CNBD1: variants seen among roughly 807,000 people sequenced by gnomAD.
CNBD1 encodes the protein cyclic nucleotide binding domain containing 1.
Under a neutral mutation model 54.4 loss-of-function variants are expected in CNBD1, and 71 were observed. The observed-to-expected ratio is 1.30, with a 90% CI of 1.08 to 1.59. The LOEUF (loss-of-function observed/expected upper bound fraction) is 1.59. CNBD1 is among the 40% of genes most tolerant of loss of function. The probability of loss-of-function intolerance (pLI) is 0.00; values close to 1 mark genes in which losing one functional copy is unlikely to be tolerated. For missense variants in CNBD1, 659 were observed against 518.0 expected (o/e 1.27, Z -2.64); for synonymous variants, 182 against 170.7 (o/e 1.07, Z -0.51).
intron 10 of CNBD1, among the ~76,000 whole-genome samples, chr8:87,371,459 G>A (rs1187948849): frequency 6.6e-6 from 1 of 151,854 alleles, no homozygotes; most frequent in Non-Finnish European, 1.5e-5. Context: ...TTGTAATTTG[G>A]ATTCCTAAGT....
chr8:86,973,770 G>A (rs1180742115), intron 4 of CNBD1, among the ~76,000 whole-genome samples: 1 of 152,146 alleles, frequency 6.6e-6, no homozygotes, highest in Non-Finnish European at 1.5e-5. Context: ...TGAGCTGTCT[G>A]AGAGCACTAT....
intron 4 of CNBD1, among the ~76,000 whole-genome samples, chr8:87,041,665 G>C (rs1412151845): frequency 6.6e-6 from 1 of 152,172 alleles, no homozygotes; most frequent in Non-Finnish European, 1.5e-5. Flanking sequence ...CGGGCATGGT[G>C]GTGGGTGCCT....
intron 4 of CNBD1, among the ~76,000 whole-genome samples, chr8:87,147,869 T>G (rs535705971): frequency 1.3e-5 from 2 of 152,174 alleles, no homozygotes; most frequent in Non-Finnish European, 2.9e-5. Context: ...ATTAATTCTG[T>G]TTCTAACTCT....
intron 4 of CNBD1, among the ~76,000 whole-genome samples, chr8:87,156,867 G>GA (rs1471663700): frequency 6.6e-6 from 1 of 151,850 alleles, no homozygotes; most frequent in African/African-American, 2.4e-5. Flanking sequence ...AAAGTAAATA[G>GA]AAAAAAAGGA....
At chr8:87,132,216 A>G (rs1812131316) in intron 4 of CNBD1, among the ~76,000 whole-genome samples, 1 of 151,888 alleles carries the variant, frequency 6.6e-6, no homozygotes, top group Admixed American at 6.6e-5. Flanking sequence ...AACTAACAAT[A>G]TATAATACAT....
At chr8:87,150,119 G>T (rs1439248451) in intron 4 of CNBD1, among the ~76,000 whole-genome samples, 1 of 152,164 alleles carries the variant, frequency 6.6e-6, no homozygotes, top group Non-Finnish European at 1.5e-5. Context: ...GGAGCTTGCA[G>T]TGAGCCGAGA....
chr8:87,424,609 T>G (rs1393267129), intron 2 of CNBD1, among the ~76,000 whole-genome samples: 1 of 152,120 alleles, frequency 6.6e-6, no homozygotes, highest in South Asian at 2.1e-4. Context: ...TAATCCTGAG[T>G]TCTAGTTTGA....
At chr8:87,335,346 T>C (rs1294621027) in intron 8 of CNBD1, among the ~76,000 whole-genome samples, 2 of 152,198 alleles carry the variant, frequency 1.3e-5, no homozygotes, top group African/African-American at 2.4e-5. Context: ...ACTAAGTCTC[T>C]TTGTAGGTCT....
chr8:87,246,052 A>G (rs948699893), intron 6 of CNBD1, among the ~76,000 whole-genome samples: 1 of 152,084 alleles, frequency 6.6e-6, no homozygotes, highest in Non-Finnish European at 1.5e-5. Context: ...AATTTTCCAG[A>G]ACTACTGCCT....
intron 1 of CNBD1, among the ~76,000 whole-genome samples, chr8:86,874,635 TTAAA>T (rs1181650720): frequency 1.3e-5 from 2 of 152,140 alleles, no homozygotes; most frequent in African/African-American, 4.8e-5. Flanking sequence ...AAAATAAAAA[TTAAA>T]TATAGGAACT....
At chr8:87,116,195 C>CTTTTTT (rs71556428) in intron 4 of CNBD1, among the ~76,000 whole-genome samples, 131 of 74,528 alleles carry the variant, frequency 1.8e-3, no homozygotes, top group Non-Finnish European at 2.0e-3. Flanking sequence ...ATTCTCATGT[C>CTTTTTT]TTTTTTTTTT....
chr8:87,392,796 A>G (rs1042289453), intron 2 of CNBD1, among the ~76,000 whole-genome samples: 7 of 151,992 alleles, frequency 4.6e-5, no homozygotes, highest in East Asian at 1.9e-4. Flanking sequence ...CCAAATGGGT[A>G]AACTGTGTTG....
At chr8:86,889,731 G>C (rs1808737062) in intron 2 of CNBD1, among the ~76,000 whole-genome samples, 1 of 152,080 alleles carries the variant, frequency 6.6e-6, no homozygotes, top group Non-Finnish European at 1.5e-5. Flanking sequence ...CATCCTAGTA[G>C]ACTACAAGCT....
Position 86,887,545 on chromosome 8 carries a change from T to G in CNBD1, c.92T>G (p.Leu31Trp). ...PPPPLHSIPN[L>W]KKSKHINYGQ... is the part of the protein sequence containing the mutation. Reference sequence around the variant, plus strand: ...TTTTTAATTGATTTTTTTTCAGACTTGAAAAAGTCTAAGCACATTAATTAT... The same window carrying G: ...TTTTTAATTGATTTTTTTTCAGACTGGAAAAAGTCTAAGCACATTAATTAT... Residue 31 changes from leucine to tryptophan, a missense_variant, in exon 2 of 11, where the codon TTG becomes TGG. Coordinates refer to ENST00000518476, the MANE Select transcript of CNBD1 (RefSeq NM_173538.3). 1 of 1,556,750 alleles carries G rather than the reference T, an allele frequency of 6.4e-7. No individual in the cohort carries two copies. The highest frequency in any genetic ancestry group is 1.9e-5 in the Admixed American group (1 of 52,056).
chr8:87,179,672 A>G lies in CNBD1; in HGVS notation c.432-26321A>G, dbSNP rs73690123. On this transcript the variant is annotated intron_variant, in intron 4 of 10. Transcript: ENST00000518476. ...AAGGGTTTTATTAAAGTTTAAGAGA[A>G]GAAACAGGACTCCTTATATTGGAGT... Among the ~76,000 whole-genome samples, 732 of 152,336 alleles carry G rather than the reference A, an allele frequency of 4.8e-3. 8 individuals carry two copies. The highest frequency in any genetic ancestry group is 0.017 in the African/African-American group (696 of 41,586).
chr8:87,006,685 C>T (rs1251586410), intron 4 of CNBD1, among the ~76,000 whole-genome samples: 3 of 152,110 alleles, frequency 2.0e-5, no homozygotes, highest in African/African-American at 7.2e-5. Flanking sequence ...CATACCAGGC[C>T]TCACTTCCGG....
chr8:87,038,014 T>C (rs1445460378), intron 4 of CNBD1, among the ~76,000 whole-genome samples: 10 of 152,330 alleles, frequency 6.6e-5, no homozygotes, highest in Non-Finnish European at 1.3e-4. Context: ...ACACCAAGTT[T>C]TCATGGGGCC....
At position 86,873,948 on chromosome 8, in the gene CNBD1, A is replaced by C. The variant is rs116794381; in HGVS notation, c.88+7365A>C. On this transcript the variant is annotated intron_variant, in intron 1 of 10. Transcript: ENST00000518476. ...ATTGTTACATAATTACAATACAACT[A>C]TCAAGATCAGGAAAATTAACATTGA... Among the ~76,000 whole-genome samples, 1,171 of 152,320 alleles carry C rather than the reference A, an allele frequency of 7.7e-3. 20 individuals are homozygous for C. Among genetic ancestry groups the C allele is most frequent in the African/African-American group, 0.026 (1,080 of 41,562 alleles).
intron 10 of CNBD1, among the ~76,000 whole-genome samples, chr8:87,363,657 G>A (rs1810571532): frequency 6.6e-6 from 1 of 151,962 alleles, no homozygotes; most frequent in Non-Finnish European, 1.5e-5. Flanking sequence ...GTCTTCTTTT[G>A]AGGAGTGTCT....
Sources: allele counts gnomAD v4.1 joint callset (sites outside exome capture counted in the v4.1 genomes callset), GRCh38; gene constraint gnomAD v4.1.1; transcripts MANE v1.5; gene names NCBI Gene and HGNC (gene_info 2026-07-23, HGNC 2026-07-21).